The following PSMF1 variants were observed in gnomAD, a reference collection of about 807,000 sequenced individuals.
The protein encoded by PSMF1 is proteasome inhibitor subunit 1, also known as proteasome inhibitor PI31 subunit.
PSMF1 carries 30 observed loss-of-function variants against 29.3 expected under a neutral mutation model. That is an observed-to-expected ratio of 1.02 (90% CI 0.77 to 1.39). The LOEUF (loss-of-function observed/expected upper bound fraction) is 1.39, where lower values mean the gene tolerates loss of function less well. Ranked by LOEUF, PSMF1 falls within the 40% of genes most tolerant of loss-of-function variation. The probability of loss-of-function intolerance (pLI) is 0.00; values close to 1 mark genes in which losing one functional copy is unlikely to be tolerated. For synonymous variants in PSMF1, 134 were observed against 139.7 expected (o/e 0.96, Z 0.29); for missense variants, 344 against 357.5 (o/e 0.96, Z 0.31).
In PSMF1 at chr20:1,125,542, GAAC is replaced by G; in HGVS notation, c.180_182del (p.Asn61del). The G allele has an allele frequency of 1.2e-6, 2 of 1,613,588 alleles. No homozygotes were observed. The highest frequency in any genetic ancestry group is 1.7e-6 in the Non-Finnish European group (2 of 1,179,792). ...AGTCAGAACTGCTGCCAGCTGGGTGGAACAACAATAAAGACCTGTATGTCCTCC... is the reference window on the plus strand; with the variant it reads ...AGTCAGAACTGCTGCCAGCTGGGTGGAACAATAAAGACCTGTATGTCCTCC... On this transcript the variant is annotated inframe_deletion, in exon 2 of 7. Coordinates refer to ENST00000335877, the MANE Select transcript of PSMF1 (RefSeq NM_006814.5).
rs2086749889 is a variant in PSMF1, at chr20:1,167,818, G to T, written c.*2738G>T. On this transcript the variant is annotated 3_prime_UTR_variant, in exon 7 of 7. Transcript: ENST00000335877. ...CCAGTTTTTGAGTTTTCAGTTGTTT[G>T]AGTTTCAGATGTTTTCAGTTCATTT... The T allele has an allele frequency of 6.6e-6, 1 of 152,152 alleles. No individual in the cohort carries two copies. The highest frequency in any genetic ancestry group is 1.5e-5 in the Non-Finnish European group (1 of 68,028). 9.4% of individuals were successfully genotyped at this position (152,152 alleles called of 1,614,324 possible). A position where few individuals can be genotyped will look rare whatever the true frequency, so the allele number is the denominator to read the frequency against.
chr20:1,171,272 T>C lies in PSMF1; in HGVS notation c.*6192T>C, dbSNP rs1349455034. 6.6e-6 allele frequency among the ~76,000 whole-genome samples: 1 copy of C among 151,956 alleles called. No individual in the cohort carries two copies. The highest frequency in any genetic ancestry group is 1.5e-5 in the Non-Finnish European group (1 of 68,008). On this transcript the variant is annotated 3_prime_UTR_variant, in exon 7 of 7. Coordinates refer to ENST00000335877, the MANE Select transcript of PSMF1 (RefSeq NM_006814.5). ...AGCATCTGAAACCACCTGCACAACC[T>C]CCATTCCACAGAGGAAGAAACAGGC...
chr20:1,137,115 C>G (rs971389429), intron 4 of PSMF1, among the ~76,000 whole-genome samples: 4 of 152,184 alleles, frequency 2.6e-5, no homozygotes, highest in Non-Finnish European at 4.4e-5. Context: ...CAAGAACGCC[C>G]TCCAACTACT....
chr20:1,125,405 TG>T, intron 1 of PSMF1, 92 bp from the exon 2 acceptor site: 4 of 1,310,492 alleles, frequency 3.1e-6, no homozygotes, highest in Non-Finnish European at 4.1e-6. Context: ...ATCTGTGAAG[TG>T]AGGTGGGTAA....
At chr20:1,126,736 G>A (rs553989732) in intron 2 of PSMF1, among the ~76,000 whole-genome samples, 8 of 152,060 alleles carry the variant, frequency 5.3e-5, no homozygotes, top group East Asian at 1.9e-4. Context: ...AACCTTAGCC[G>A]GGCGTGGTCG....
At chr20:1,138,066 G>A (rs1469885240) in intron 4 of PSMF1, among the ~76,000 whole-genome samples, 1 of 152,056 alleles carries the variant, frequency 6.6e-6, no homozygotes, top group Non-Finnish European at 1.5e-5. Context: ...CCTTAATAAG[G>A]AGTTTTTATT....
Position 1,166,408 on chromosome 20 carries a change from G to A in PSMF1, c.*1328G>A. On this transcript the variant is annotated 3_prime_UTR_variant, in exon 7 of 7. Transcript: ENST00000335877. Reference sequence around the variant, plus strand: ...CCCTGGATTCCTTCCCCTAAATTAGGACCTATTATTTACCTGTAGGTAAGC... The same window carrying A: ...CCCTGGATTCCTTCCCCTAAATTAGAACCTATTATTTACCTGTAGGTAAGC... 1 of 864,416 alleles carries A rather than the reference G, an allele frequency of 1.2e-6. No individual in the cohort carries two copies. The highest frequency in any genetic ancestry group is 1.9e-6 in the Non-Finnish European group (1 of 538,446). The allele number at this position is 864,416 out of a possible 1,614,324, so 53.5% of individuals were successfully genotyped here. A position where few individuals can be genotyped will look rare whatever the true frequency, so the allele number is the denominator to read the frequency against.
At chr20:1,149,342 G>A (rs995769896) in intron 4 of PSMF1, among the ~76,000 whole-genome samples, 1 of 152,194 alleles carries the variant, frequency 6.6e-6, no homozygotes, top group Admixed American at 6.5e-5. Flanking sequence ...GGTCTATCAT[G>A]CCATTTGAAT....
chr20:1,120,593 C>T (rs189872526), intron 1 of PSMF1, among the ~76,000 whole-genome samples: 2 of 152,340 alleles, frequency 1.3e-5, no homozygotes, highest in Admixed American at 1.3e-4. Context: ...TTAAGCAGCT[C>T]TTCACTTGCC....
intron 1 of PSMF1, among the ~76,000 whole-genome samples, chr20:1,122,910 C>T (rs979414758): frequency 1.3e-5 from 2 of 152,172 alleles, no homozygotes; most frequent in African/African-American, 4.8e-5. Context: ...GGATTGAATG[C>T]TGTACATGGA....
Position 1,127,410 on chromosome 20 carries a change from A to G in PSMF1, c.283-16A>G, listed in dbSNP as rs1348680468. ...GAAATATCCCAGTCTCTCACTTTCT[A>G]TTTTCACCCATCTAGGAATATGGCT... On this transcript the variant is annotated splice_polypyrimidine_tract_variant and intron_variant, in intron 2 of 6. Transcript: ENST00000335877. The G allele has an allele frequency of 7.7e-6, 12 of 1,568,058 alleles. 1 individual carries two copies. In the South Asian group the frequency reaches 7.8e-5, roughly 10 times the overall value.
intron 4 of PSMF1, among the ~76,000 whole-genome samples, chr20:1,148,958 T>C (rs867789395): frequency 1.3e-5 from 2 of 152,184 alleles, no homozygotes; most frequent in Non-Finnish European, 2.9e-5. Flanking sequence ...CATTTAAAAA[T>C]AAGCCCATTA....
chr20:1,150,443 C>T (rs1434520918), intron 4 of PSMF1, among the ~76,000 whole-genome samples: 1 of 151,272 alleles, frequency 6.6e-6, no homozygotes, highest in Non-Finnish European at 1.5e-5. Context: ...AATGTCAACA[C>T]AGCAAAAAAA....
Position 1,162,375 on chromosome 20 carries a change from T to C in PSMF1, c.552-755T>C, listed in dbSNP as rs1024747952. 4.6e-5 allele frequency among the ~76,000 whole-genome samples: 7 copies of C among 152,138 alleles called. No individual in the cohort carries two copies. The South Asian group carries it at 1.5e-3, about 32-fold the overall frequency. ...CATTAGGCCTAGCAGCACATCATTG[T>C]GTAAGAAAAAATAAAAGTGCTGCCA... On this transcript the variant is annotated intron_variant, in intron 4 of 6. Coordinates refer to ENST00000335877, the MANE Select transcript of PSMF1 (RefSeq NM_006814.5).
At chr20:1,160,147 A>T (rs560468149) in intron 4 of PSMF1, among the ~76,000 whole-genome samples, 3 of 152,204 alleles carry the variant, frequency 2.0e-5, no homozygotes, top group Admixed American at 6.5e-5. Flanking sequence ...GTCACTGTTT[A>T]CGCTCTCGGT....
intron 4 of PSMF1, among the ~76,000 whole-genome samples, chr20:1,140,585 C>T (rs914366968): frequency 6.6e-6 from 1 of 151,826 alleles, no homozygotes; most frequent in Admixed American, 6.6e-5. Context: ...GCACAAGCAG[C>T]GAGAAAAAAT....
At chr20:1,125,699 G>A (rs1229597034) in intron 2 of PSMF1, 49 bp downstream of exon 2, 7 of 1,579,754 alleles carry the variant, frequency 4.4e-6, no homozygotes, top group Non-Finnish European at 6.0e-6. Context: ...GGATAGGAAT[G>A]GCTGTTTTGA....
intron 4 of PSMF1, among the ~76,000 whole-genome samples, chr20:1,138,518 C>CA (rs34220986): frequency 0.4 from 39,219 of 97,458 alleles, 7,605 homozygotes; most frequent in African/African-American, 0.52. Flanking sequence ...GACTGCATCT[C>CA]AAAAAAAAAA....
At chr20:1,147,169 A>G (rs1421246150) in intron 4 of PSMF1, among the ~76,000 whole-genome samples, 5 of 114,984 alleles carry the variant, frequency 4.3e-5, no homozygotes, top group African/African-American at 1.9e-4. Context: ...CATCATCATC[A>G]TCATCATCAC....
Sources: gnomAD v4.1 joint callset for allele counts (sites outside exome capture counted in the v4.1 genomes callset) on GRCh38, gnomAD v4.1.1 for gene constraint, MANE v1.5 for transcripts, NCBI Gene and HGNC (gene_info 2026-07-23, HGNC 2026-07-21) for gene names.